The following SNX29 variants were observed in gnomAD, a reference collection of about 807,000 sequenced individuals.
The protein encoded by SNX29 is sorting nexin-29.
A neutral mutation model predicts 102.1 loss-of-function variants in SNX29; 78 were observed. The ratio of observed to expected loss-of-function variants is 0.76; its 90% CI spans 0.64 to 0.92. SNX29 has a LOEUF of 0.92. Among genes scored for constraint, SNX29 ranks in the 40% least tolerant of loss-of-function variants. The pLI is 0.00. For synonymous variants in SNX29, 580 were observed against 414.5 expected, an observed-to-expected ratio of 1.40 and a Z score of -4.85; for missense variants, 1,280 against 1,061.7, an observed-to-expected ratio of 1.21 and a Z score of -2.86.
At chr16:12,543,619 C>G (rs1046160813) in intron 20 of SNX29, among the ~76,000 whole-genome samples, 1 of 151,858 alleles carries the variant, frequency 6.6e-6, no homozygotes, top group Non-Finnish European at 1.5e-5. Context: ...GTGGGCAGTG[C>G]CCCAGTGCTC....
intron 14 of SNX29, among the ~76,000 whole-genome samples, chr16:12,218,089 A>G (rs928329699): frequency 3.9e-5 from 6 of 152,176 alleles, no homozygotes; most frequent in Non-Finnish European, 7.3e-5. Flanking sequence ...TATTATTTGC[A>G]ATGATAAAAA....
chr16:12,265,827 C>T (rs565487482), intron 14 of SNX29, among the ~76,000 whole-genome samples: 6 of 151,846 alleles, frequency 4.0e-5, no homozygotes, highest in South Asian at 2.1e-4. Flanking sequence ...GAGGTCGAGA[C>T]TGCAGTAAGC....
At chr16:12,348,943 A>G (rs1379884347) in intron 15 of SNX29, among the ~76,000 whole-genome samples, 2 of 152,082 alleles carry the variant, frequency 1.3e-5, no homozygotes, top group Non-Finnish European at 2.9e-5. Context: ...CCACCCCTCC[A>G]CACTGTCACC....
intron 16 of SNX29, among the ~76,000 whole-genome samples, chr16:12,370,147 G>A (rs185512884): frequency 3.5e-4 from 53 of 152,224 alleles, no homozygotes; most frequent in Admixed American, 7.9e-4. Context: ...GCTTAAATCC[G>A]GGAGGTGGAG....
chr16:12,320,657 G>A (rs1349688446), intron 15 of SNX29, among the ~76,000 whole-genome samples: 1 of 152,164 alleles, frequency 6.6e-6, no homozygotes, highest in Admixed American at 6.5e-5. Flanking sequence ...TGTGTCATGT[G>A]CTGGGGAAAC....
At chr16:12,400,595 C>T (rs2083900450) in intron 17 of SNX29, among the ~76,000 whole-genome samples, 1 of 152,232 alleles carries the variant, frequency 6.6e-6, no homozygotes, top group Non-Finnish European at 1.5e-5. Context: ...TTCAAAGAAG[C>T]CTTCTCTGGT....
chr16:11,990,743 C>T (rs1484062622), intron 1 of SNX29, among the ~76,000 whole-genome samples: 1 of 152,052 alleles, frequency 6.6e-6, no homozygotes, highest in African/African-American at 2.4e-5. Flanking sequence ...GGTTAGAGGG[C>T]AAGGGAAGAT....
intron 16 of SNX29, among the ~76,000 whole-genome samples, chr16:12,390,149 GGTGTGTGT>G (rs34547147): frequency 5.9e-4 from 86 of 145,586 alleles, no homozygotes; most frequent in South Asian, 8.8e-4. Context: ...GCAATTGAGG[GGTGTGTGT>G]GTGTGTGTGT....
intron 5 of SNX29, among the ~76,000 whole-genome samples, chr16:12,046,081 G>A (rs892607409): frequency 5.3e-5 from 8 of 152,196 alleles, no homozygotes; most frequent in African/African-American, 1.9e-4. Flanking sequence ...TTGAGTGGAA[G>A]TCACCCACCT....
At chr16:12,291,831 G>T (rs2079806801) in intron 15 of SNX29, among the ~76,000 whole-genome samples, 1 of 152,204 alleles carries the variant, frequency 6.6e-6, no homozygotes, top group Non-Finnish European at 1.5e-5. Context: ...CATGGTGGCA[G>T]AAAACCAAGG....
intron 13 of SNX29, among the ~76,000 whole-genome samples, chr16:12,161,952 A>G (rs1013811634): frequency 2.6e-5 from 4 of 152,296 alleles, no homozygotes; most frequent in South Asian, 2.1e-4. Flanking sequence ...CTGATGAGCA[A>G]TGCAAAATGG....
chr16:12,085,325 A>C (rs2052113028), intron 11 of SNX29, among the ~76,000 whole-genome samples: 1 of 150,652 alleles, frequency 6.6e-6, no homozygotes, highest in African/African-American at 2.4e-5. Context: ...TTCCTTCTCC[A>C]CTCTTCTTCC....
chr16:12,404,776 A>G (rs2084095856), intron 18 of SNX29, among the ~76,000 whole-genome samples: 1 of 152,182 alleles, frequency 6.6e-6, no homozygotes, highest in African/African-American at 2.4e-5. Context: ...ACAGTAATCT[A>G]TCTTGTAAAA....
chr16:12,262,253 A>T (rs2142511626), intron 14 of SNX29, among the ~76,000 whole-genome samples: 1 of 152,286 alleles, frequency 6.6e-6, no homozygotes, highest in East Asian at 1.9e-4. Flanking sequence ...ACTGAAATTG[A>T]CTCAAAGTCT....
intron 11 of SNX29, among the ~76,000 whole-genome samples, chr16:12,121,244 C>T (rs1265717399): frequency 6.6e-6 from 1 of 152,180 alleles, no homozygotes; most frequent in Non-Finnish European, 1.5e-5. Flanking sequence ...CGTGGAGGTG[C>T]ATATGAAGAG....
Position 12,571,221 on chromosome 16 carries a change from A to C in SNX29, c.*2592A>C, listed in dbSNP as rs1011468492. 2 of 232,228 alleles carry C rather than the reference A, an allele frequency of 8.6e-6. No individual in the cohort carries two copies. The highest frequency in any genetic ancestry group is 1.7e-5 in the Non-Finnish European group (2 of 117,460). 14.4% of individuals were successfully genotyped at this position (232,228 alleles called of 1,614,324 possible). On this transcript the variant is annotated 3_prime_UTR_variant, in exon 21 of 21. Coordinates refer to ENST00000566228, the MANE Select transcript of SNX29 (RefSeq NM_032167.5). ...GCAACAAACAACTGGCAGGGTTCCC[A>C]GTTCCTGGAGTTATGGAGCAGAAAC...
At chr16:12,129,123 T>C (rs2054345164) in intron 12 of SNX29, among the ~76,000 whole-genome samples, 1 of 152,248 alleles carries the variant, frequency 6.6e-6, no homozygotes, top group African/African-American at 2.4e-5. Context: ...AACAGGCTCA[T>C]AGTGTGTTTT....
intron 20 of SNX29, among the ~76,000 whole-genome samples, chr16:12,550,843 G>T (rs1051011247): frequency 6.6e-6 from 1 of 152,202 alleles, no homozygotes; most frequent in Admixed American, 6.5e-5. Context: ...GATGATTTTT[G>T]AGCAGTATTT....
At chr16:12,001,133 A>G (rs1171690592) in intron 2 of SNX29, among the ~76,000 whole-genome samples, 3 of 152,200 alleles carry the variant, frequency 2.0e-5, no homozygotes, top group Middle Eastern at 3.4e-3. Flanking sequence ...TTTTTTTTAG[A>G]TGGAGTCTAG....
Sources: gnomAD v4.1 joint callset for allele counts (sites outside exome capture counted in the v4.1 genomes callset) on GRCh38, gnomAD v4.1.1 for gene constraint, MANE v1.5 for transcripts, NCBI Gene and HGNC (gene_info 2026-07-23, HGNC 2026-07-21) for gene names.